The following CARS1 variants were observed in gnomAD, a reference collection of about 807,000 sequenced individuals.
The protein encoded by CARS1 is cysteine--tRNA ligase, cytoplasmic.
CARS1 carries 48 observed loss-of-function variants against 106.2 expected under a neutral mutation model. The observed-to-expected ratio is 0.45, with a 90% CI of 0.36 to 0.57. The LOEUF is 0.57. CARS1 is among the 20% of genes least tolerant of loss of function. The probability of loss-of-function intolerance (pLI) is 0.00; values close to 1 mark genes in which losing one functional copy is unlikely to be tolerated. For missense variants in CARS1, 968 were observed against 1,057.2 expected, an observed-to-expected ratio of 0.92 and a Z score of 1.17; for synonymous variants, 409 against 403.4, an observed-to-expected ratio of 1.01 and a Z score of -0.17.
In CARS1 at chr11:3,004,645, C is replaced by T. The variant is rs577287401; in HGVS notation, c.2217+721G>A. 1.1e-3 allele frequency among the ~76,000 whole-genome samples: 173 copies of T among 152,334 alleles called. No individual in the cohort carries two copies. Among genetic ancestry groups the T allele is most frequent in the Non-Finnish European group, 2.2e-3 (147 of 68,036 alleles). On this transcript the variant is annotated intron_variant, in intron 20 of 22. Transcript: ENST00000380525. This position sits in a 1 kb window ranked among gnomAD's most constrained non-coding sequence, Gnocchi z 5.2. Reference sequence around the variant, plus strand: ...GCTGTGCCCAGAGATTCTGACATTGCGTTTTTGTTCCTGTTCTTCTGTCCT... The same window carrying T: ...GCTGTGCCCAGAGATTCTGACATTGTGTTTTTGTTCCTGTTCTTCTGTCCT...
rs1000086336 is a variant in CARS1, at chr11:3,003,474, G to A, written c.2218-874C>T. 1.3e-5 allele frequency among the ~76,000 whole-genome samples: 2 copies of A among 152,166 alleles called. No individual in the cohort carries two copies. The highest frequency in any genetic ancestry group is 2.9e-5 in the Non-Finnish European group (2 of 68,028). On this transcript the variant is annotated intron_variant, in intron 20 of 22. Transcript: ENST00000380525. The surrounding 1 kb of genome is among the most constrained non-coding windows in gnomAD (Gnocchi z 4.8). ...AGTGGAGCTATCAGGTAGGCAGCTG[G>A]GCAAACTGTTTTTGGGCCACCGGCT... is the stretch of plus-strand genomic sequence containing the variant.
In CARS1 at chr11:3,051,479, C is replaced by A. The variant is rs184008969; in HGVS notation, c.26-3478G>T. Reference sequence around the variant, plus strand: ...GGGAGGACGGAGGCGGAGGCAGACCCACAGAGGCAGCTCCAAGCACCCCAA... The same window carrying A: ...GGGAGGACGGAGGCGGAGGCAGACCAACAGAGGCAGCTCCAAGCACCCCAA... On this transcript the variant is annotated intron_variant, in intron 1 of 22. Transcript: ENST00000380525. 1.9e-3 allele frequency among the ~76,000 whole-genome samples: 293 copies of A among 152,278 alleles called. 1 individual carries two copies. The highest frequency in any genetic ancestry group is 0.017 in the Middle Eastern group (5 of 294).
In CARS1 at chr11:3,045,500, G is replaced by A. The variant is rs1417159825; in HGVS notation, c.274+2253C>T. 7.2e-5 allele frequency among the ~76,000 whole-genome samples: 11 copies of A among 152,182 alleles called. No individual in the cohort carries two copies. Among genetic ancestry groups the A allele is most frequent in the African/African-American group, 2.2e-4 (9 of 41,450 alleles). The stretch of plus-strand genomic sequence containing the variant: ...AGCATGGTCTCAATCTCCTGACCTC[G>A]TGATCCGCCCGCCTTGGCCTCCCAA... On this transcript the variant is annotated intron_variant, in intron 2 of 22. Transcript: ENST00000380525. This position sits in a 1 kb window ranked among gnomAD's most constrained non-coding sequence, Gnocchi z 5.6.
chr11:3,006,392 G>C (rs1159126798), intron 19 of CARS1, among the ~76,000 whole-genome samples: 1 of 152,232 alleles, frequency 6.6e-6, no homozygotes, highest in Non-Finnish European at 1.5e-5. Context: ...GTTGCAATGA[G>C]CCGAGATCGC....
chr11:3,050,691 T>C lies in CARS1; in HGVS notation c.26-2690A>G, dbSNP rs1378204195. 6.6e-6 allele frequency among the ~76,000 whole-genome samples: 1 copy of C among 152,192 alleles called. No individual in the cohort carries two copies. The highest frequency in any genetic ancestry group is 1.5e-5 in the Non-Finnish European group (1 of 68,034). On this transcript the variant is annotated intron_variant, in intron 1 of 22. Coordinates refer to ENST00000380525, the MANE Select transcript of CARS1 (RefSeq NM_001014437.3). The surrounding 1 kb of genome is among the most constrained non-coding windows in gnomAD (Gnocchi z 6.3). ...CCTGACTCACAATACCCTAGTCACA[T>C]GGCCCCTCCACCTGCTGCTCTTTTT...
intron 19 of CARS1, among the ~76,000 whole-genome samples, chr11:3,005,681 G>A (rs1441160923): frequency 6.8e-6 from 1 of 146,310 alleles, no homozygotes; most frequent in Non-Finnish European, 1.5e-5. Flanking sequence ...CATCCAGGCT[G>A]GAGTGCAGTG....
chr11:3,047,702 T>C lies in CARS1; in HGVS notation c.274+51A>G, dbSNP rs1258073327. 6 of 1,560,610 alleles carry C rather than the reference T, an allele frequency of 3.8e-6. No individual in the cohort carries two copies. The Admixed American group carries it at 7.4e-5, about 19-fold the overall frequency. Reference sequence around the variant, plus strand: ...GCACCAGGGTGATGGAGAAAGCCCTTGACCTTGGGAGAGAGGTTCTAATGG... The same window carrying C: ...GCACCAGGGTGATGGAGAAAGCCCTCGACCTTGGGAGAGAGGTTCTAATGG... On this transcript the variant is annotated intron_variant, in intron 2 of 22. Transcript: ENST00000380525.
rs1291005035 is a variant in CARS1, at chr11:3,017,406, G to A, written c.1728-111C>T. ...GCCTATAATCCCAGCACTTTGGGAG[G>A]CTGAGGTGGGCGGATCACCTGAGGT... is the stretch of plus-strand genomic sequence containing the variant. On this transcript the variant is annotated intron_variant, in intron 15 of 22. Coordinates refer to ENST00000380525, the MANE Select transcript of CARS1 (RefSeq NM_001014437.3). The surrounding 1 kb of genome is among the most constrained non-coding windows in gnomAD (Gnocchi z 4.9). 6 of 911,710 alleles carry A rather than the reference G, an allele frequency of 6.6e-6. No individual in the cohort carries two copies. Among genetic ancestry groups the A allele is most frequent in the Non-Finnish European group, 3.4e-6 (2 of 590,076 alleles). 56.5% of individuals were successfully genotyped at this position (911,710 alleles called of 1,614,324 possible).
intron 17 of CARS1, 102 bp from the exon 18 acceptor site, chr11:3,012,378 G>A: frequency 1.0e-6 from 1 of 987,750 alleles, no homozygotes; most frequent in Non-Finnish European, 1.6e-6. Context: ...GGACTGGCAT[G>A]GGCAGTGCTG....
At position 3,050,693 on chromosome 11, in the gene CARS1, G is replaced by C. The variant is rs1855587558; in HGVS notation, c.26-2692C>G. ...TGACTCACAATACCCTAGTCACATG[G>C]CCCCTCCACCTGCTGCTCTTTTTTT... On this transcript the variant is annotated intron_variant, in intron 1 of 22. Coordinates refer to ENST00000380525, the MANE Select transcript of CARS1 (RefSeq NM_001014437.3). The surrounding 1 kb of genome is among the most constrained non-coding windows in gnomAD (Gnocchi z 6.3). 6.6e-6 allele frequency among the ~76,000 whole-genome samples: 1 copy of C among 152,116 alleles called. No homozygotes were observed. The highest frequency in any genetic ancestry group is 6.5e-5 in the Admixed American group (1 of 15,268).
chr11:3,032,052 CTCCCTCCCTCCTTCCTTCCTTCCTTCCT>C (rs1161325628), intron 7 of CARS1, among the ~76,000 whole-genome samples: 14 of 13,518 alleles, frequency 1.0e-3, no homozygotes, highest in African/African-American at 3.6e-3. Flanking sequence ...CCCTCCCTCC[CTCCCTCCCTCCTTCCTTCCTTCCTTCCT>C]TCCTTCCTTC....
Position 3,020,125 on chromosome 11 carries a change from T to C in CARS1, c.1266+95A>G. On this transcript the variant is annotated intron_variant, in intron 11 of 22. Coordinates refer to ENST00000380525, the MANE Select transcript of CARS1 (RefSeq NM_001014437.3). The surrounding 1 kb of genome is among the most constrained non-coding windows in gnomAD (Gnocchi z 4.6). The stretch of plus-strand genomic sequence containing the variant: ...AGGCTCTGGCCCAGTGACAACATCC[T>C]TCACACACAGAGCGGCCCTCTGCTG... 1.3e-6 allele frequency: 1 copy of C among 798,568 alleles called. No homozygotes were observed. The highest frequency in any genetic ancestry group is 2.2e-6 in the Non-Finnish European group (1 of 454,630). The allele number at this position is 798,568 out of a possible 1,614,324, so 49.5% of individuals were successfully genotyped here.
chr11:3,033,268 G>C (rs1254046039), intron 7 of CARS1, among the ~76,000 whole-genome samples: 1 of 152,118 alleles, frequency 6.6e-6, no homozygotes, highest in Non-Finnish European at 1.5e-5. Flanking sequence ...TAGGGGATTA[G>C]ACGGAATCTT....
Position 3,028,666 on chromosome 11 carries a change from C to A in CARS1, c.1031+330G>T. Reference sequence around the variant, plus strand: ...AGGACTAGCACTCTCAAAATGTCTACGCAATGGCACTGATGTCTGTGAAGG... The same window carrying A: ...AGGACTAGCACTCTCAAAATGTCTAAGCAATGGCACTGATGTCTGTGAAGG... On this transcript the variant is annotated intron_variant, in intron 9 of 22. Coordinates refer to ENST00000380525, the MANE Select transcript of CARS1 (RefSeq NM_001014437.3). The surrounding 1 kb of genome is among the most constrained non-coding windows in gnomAD (Gnocchi z 4.4). 1 of 373,924 alleles carries A rather than the reference C, an allele frequency of 2.7e-6. No homozygotes were observed. The highest frequency in any genetic ancestry group is 4.8e-6 in the Non-Finnish European group (1 of 208,904). 23.2% of individuals were successfully genotyped at this position (373,924 alleles called of 1,614,324 possible). A position where few individuals can be genotyped will look rare whatever the true frequency, so the allele number is the denominator to read the frequency against.
intron 2 of CARS1, 174 bp from the exon 3 acceptor site, chr11:3,042,430 CT>C (rs764121709): frequency 0.22 from 106,684 of 481,252 alleles, 1 homozygote; most frequent in South Asian, 0.31. Flanking sequence ...ACAACTGCGT[CT>C]TTTTTTTTTT....
rs571728520 is a variant in CARS1, at chr11:3,040,465, C to T, written c.455+431G>A. On this transcript the variant is annotated intron_variant, in intron 4 of 22. Coordinates refer to ENST00000380525, the MANE Select transcript of CARS1 (RefSeq NM_001014437.3). This position sits in a 1 kb window ranked among gnomAD's most constrained non-coding sequence, Gnocchi z 5.8. ...GCATTTACCCCAACAGCCAGCTACTCGTCAGGAGCTACAGCCATGACCATC... is the reference window on the plus strand; with the variant it reads ...GCATTTACCCCAACAGCCAGCTACTTGTCAGGAGCTACAGCCATGACCATC... 19 of 459,232 alleles carry T rather than the reference C, an allele frequency of 4.1e-5. No individual in the cohort carries two copies. The highest frequency in any genetic ancestry group is 3.4e-4 in the African/African-American group (17 of 50,388). 28.4% of individuals were successfully genotyped at this position (459,232 alleles called of 1,614,324 possible).
intron 7 of CARS1, among the ~76,000 whole-genome samples, chr11:3,032,350 C>T (rs112964607): frequency 7.9e-5 from 12 of 152,068 alleles, no homozygotes; most frequent in Non-Finnish European, 1.6e-4. Context: ...GGAGTTCAGG[C>T]GTGAGCCACC....
Position 3,040,135 on chromosome 11 carries a change from C to T in CARS1, c.456-204G>A, listed in dbSNP as rs1854246470. Reference sequence around the variant, plus strand: ...GACCTTTATAATGATCCACTTCCACCTAATGAATAGTAAATATATTGCCTC... The same window carrying T: ...GACCTTTATAATGATCCACTTCCACTTAATGAATAGTAAATATATTGCCTC... On this transcript the variant is annotated intron_variant, in intron 4 of 22. Coordinates refer to ENST00000380525, the MANE Select transcript of CARS1 (RefSeq NM_001014437.3). The surrounding 1 kb of genome is among the most constrained non-coding windows in gnomAD (Gnocchi z 5.8). 2.0e-6 allele frequency: 1 copy of T among 507,954 alleles called. No individual in the cohort carries two copies. 31.5% of individuals were successfully genotyped at this position (507,954 alleles called of 1,614,324 possible).
rs557995752 is a variant in CARS1 at position 3,034,372 on chromosome 11, C to T, written c.801+3678G>A. On this transcript the variant is annotated intron_variant, in intron 7 of 22. Coordinates refer to ENST00000380525, the MANE Select transcript of CARS1 (RefSeq NM_001014437.3). This position sits in a 1 kb window ranked among gnomAD's most constrained non-coding sequence, Gnocchi z 6.3. The stretch of plus-strand genomic sequence containing the variant: ...AGTAGCTGGGATTACAGACGCGCGC[C>T]ACCACATTTGGCTAATTTTTGTATT... Among the ~76,000 whole-genome samples, 7 of 152,094 alleles carry T rather than the reference C, an allele frequency of 4.6e-5. No individual in the cohort carries two copies. Among genetic ancestry groups the T allele is most frequent in the Admixed American group, 2.0e-4 (3 of 15,278 alleles).
Sources: allele counts gnomAD v4.1 joint callset (sites outside exome capture counted in the v4.1 genomes callset), GRCh38; gene constraint gnomAD v4.1.1; non-coding constraint Gnocchi (gnomAD v3.1); transcripts MANE v1.5; gene names NCBI Gene and HGNC (gene_info 2026-07-23, HGNC 2026-07-21).